The following DIS3L2 variants were observed in gnomAD, a reference collection of about 807,000 sequenced individuals.
The protein encoded by DIS3L2 is DIS3-like exonuclease 2.
A neutral mutation model predicts 97.5 loss-of-function variants in DIS3L2; 34 were observed. The ratio of observed to expected loss-of-function variants is 0.35; its 90% CI spans 0.27 to 0.46. DIS3L2 has a LOEUF of 0.46. DIS3L2 is among the 20% of genes least tolerant of loss of function. The pLI is 1.00. For missense variants in DIS3L2, 1,038 were observed against 1,146.0 expected, an observed-to-expected ratio of 0.91 and a Z score of 1.36; for synonymous variants, 435 against 445.2, an observed-to-expected ratio of 0.98 and a Z score of 0.29.
intron 1 of DIS3L2, among the ~76,000 whole-genome samples, chr2:232,007,858 A>G (rs1279089478): frequency 6.6e-6 from 1 of 152,178 alleles, no homozygotes; most frequent in Non-Finnish European, 1.5e-5. Flanking sequence ...AACAGAATGA[A>G]TTCTCTATTT....
At position 232,014,755 on chromosome 2, in the gene DIS3L2, T is replaced by A. The variant is rs983439393; in HGVS notation, c.-93-80T>A. The A allele has an allele frequency of 6.7e-5, 39 of 582,142 alleles. No homozygotes were observed. The Admixed American group carries it at 9.5e-4, about 14-fold the overall frequency. 36.1% of individuals were successfully genotyped at this position (582,142 alleles called of 1,614,324 possible). A position where few individuals can be genotyped will look rare whatever the true frequency, so the allele number is the denominator to read the frequency against. The stretch of plus-strand genomic sequence containing the variant: ...GAGGGGCACCATGTTGCCTTTGCCA[T>A]TGAACTACTAAATTTCTGAGAGGAC... On this transcript the variant is annotated intron_variant, in intron 1 of 20. Transcript: ENST00000325385.
chr2:232,339,765 G>C (rs1239902820), downstream of DIS3L2: 1 of 455,042 alleles, frequency 2.2e-6, no homozygotes, highest in Non-Finnish European at 4.4e-6. Flanking sequence ...GTGCCTTTTG[G>C]GAGCGCAGGC....
chr2:232,024,132 G>T, intron 3 of DIS3L2, 145 bp from the exon 4 acceptor site: 3 of 543,118 alleles, frequency 5.5e-6, no homozygotes, highest in Non-Finnish European at 9.7e-6. Context: ...TGTGTTTCCT[G>T]CATTTAATGA....
intron 8 of DIS3L2, among the ~76,000 whole-genome samples, chr2:232,158,154 C>T (rs1690549215): frequency 6.6e-6 from 1 of 152,216 alleles, no homozygotes; most frequent in Non-Finnish European, 1.5e-5. Context: ...GTTCTGCCCA[C>T]TGGGAGAAAG....
intron 6 of DIS3L2, among the ~76,000 whole-genome samples, chr2:232,115,338 A>G (rs887264430): frequency 6.6e-6 from 1 of 152,186 alleles, no homozygotes; most frequent in Non-Finnish European, 1.5e-5. Context: ...AATTCTGACA[A>G]TTATTTGGAA....
chr2:232,247,898 G>A (rs893960210), intron 11 of DIS3L2, among the ~76,000 whole-genome samples: 2 of 152,090 alleles, frequency 1.3e-5, no homozygotes, highest in Admixed American at 6.5e-5. Context: ...CAAAAGTAAT[G>A]GCAAGAAAAA....
intron 1 of DIS3L2, among the ~76,000 whole-genome samples, chr2:232,014,296 A>G (rs891837027): frequency 6.6e-6 from 1 of 152,218 alleles, no homozygotes; most frequent in African/African-American, 2.4e-5. Flanking sequence ...TTTTGAAAGC[A>G]TGTGAATCAT....
At chr2:232,100,023 G>A (rs1463678013) in intron 6 of DIS3L2, among the ~76,000 whole-genome samples, 1 of 151,706 alleles carries the variant, frequency 6.6e-6, no homozygotes, top group Non-Finnish European at 1.5e-5. Context: ...TTTTGGTTGT[G>A]TTATTTTTCT....
intron 12 of DIS3L2, among the ~76,000 whole-genome samples, chr2:232,252,671 C>T (rs533860273): frequency 2.6e-5 from 4 of 152,156 alleles, no homozygotes; most frequent in Admixed American, 6.5e-5. Context: ...GAGGCCGAAG[C>T]GGGCAGATTG....
At chr2:232,242,949 C>T (rs575089520) in intron 11 of DIS3L2, among the ~76,000 whole-genome samples, 99 of 152,196 alleles carry the variant, frequency 6.5e-4, no homozygotes, top group Middle Eastern at 3.4e-3. Context: ...GTGTCATGTT[C>T]GAGGGATGTA....
At chr2:232,007,897 TA>T (rs1375853135) in intron 1 of DIS3L2, among the ~76,000 whole-genome samples, 8 of 152,322 alleles carry the variant, frequency 5.3e-5, no homozygotes, top group African/African-American at 9.6e-5. Flanking sequence ...GATTTGATGA[TA>T]TTTTTTTCTT....
intron 13 of DIS3L2, among the ~76,000 whole-genome samples, chr2:232,283,060 G>T (rs1474996105): frequency 6.6e-6 from 1 of 152,110 alleles, no homozygotes; most frequent in Non-Finnish European, 1.5e-5. Flanking sequence ...CTATAAAGAA[G>T]CACAGAGGCT....
chr2:232,280,255 C>T (rs913583174), intron 13 of DIS3L2, among the ~76,000 whole-genome samples: 1 of 152,166 alleles, frequency 6.6e-6, no homozygotes, highest in African/African-American at 2.4e-5. Flanking sequence ...CTCTGTGAGC[C>T]ATCTGAAAAG....
At chr2:232,132,102 C>T (rs781104487) in intron 7 of DIS3L2, among the ~76,000 whole-genome samples, 10 of 152,016 alleles carry the variant, frequency 6.6e-5, no homozygotes, top group Non-Finnish European at 1.2e-4. Flanking sequence ...TAGAGGCAGC[C>T]CTGGAACCTG....
At chr2:232,144,703 C>T (rs1229816033) in intron 8 of DIS3L2, among the ~76,000 whole-genome samples, 1 of 152,154 alleles carries the variant, frequency 6.6e-6, no homozygotes, top group African/African-American at 2.4e-5. Context: ...GTTGCAGAAT[C>T]TGGGTCCAGA....
intron 1 of DIS3L2, among the ~76,000 whole-genome samples, chr2:232,012,295 C>T: frequency 6.6e-6 from 1 of 152,120 alleles, no homozygotes; most frequent in Non-Finnish European, 1.5e-5. Context: ...TCCTTGTCTC[C>T]CTGAGCTAAA....
chr2:231,977,602 G>A (rs1179882950), intron 1 of DIS3L2, among the ~76,000 whole-genome samples: 1 of 152,164 alleles, frequency 6.6e-6, no homozygotes, highest in African/African-American at 2.4e-5. Context: ...CTGATTCTCG[G>A]GGACTTCGAA....
intron 5 of DIS3L2, among the ~76,000 whole-genome samples, chr2:232,083,668 T>C (rs1696482348): frequency 6.6e-6 from 1 of 152,064 alleles, no homozygotes. Context: ...CTAATTTTTG[T>C]ATTTTTAGTA....
chr2:232,005,423 A>G (rs1455000329), intron 1 of DIS3L2, among the ~76,000 whole-genome samples: 1 of 152,126 alleles, frequency 6.6e-6, no homozygotes, highest in Non-Finnish European at 1.5e-5. Flanking sequence ...CTCCTCTTTT[A>G]GATTGCTACT....
Sources: allele counts gnomAD v4.1 joint callset (sites outside exome capture counted in the v4.1 genomes callset), GRCh38; gene constraint gnomAD v4.1.1; transcripts MANE v1.5; gene names NCBI Gene and HGNC (gene_info 2026-07-23, HGNC 2026-07-21).